CADPS2: variants seen among roughly 807,000 people sequenced by gnomAD.
CADPS2 encodes the protein calcium dependent secretion activator 2, also known as calcium-dependent secretion activator 2.
CADPS2 carries 93 observed loss-of-function variants against 172.5 expected under a neutral mutation model. The ratio of observed to expected loss-of-function variants is 0.54; its 90% CI spans 0.46 to 0.64. The LOEUF (loss-of-function observed/expected upper bound fraction) is 0.64. CADPS2 is among the 30% of genes least tolerant of loss of function. CADPS2 has a pLI of 0.00. For synonymous variants in CADPS2, 546 were observed against 555.2 expected, an observed-to-expected ratio of 0.98 and a Z score of 0.23; for missense variants, 1,420 against 1,565.9, an observed-to-expected ratio of 0.91 and a Z score of 1.57.
At chr7:122,455,176 A>C (rs1221141328) in intron 14 of CADPS2, among the ~76,000 whole-genome samples, 3 of 152,134 alleles carry the variant, frequency 2.0e-5, no homozygotes, top group Non-Finnish European at 2.9e-5. Flanking sequence ...AAACACAGGA[A>C]GCAAGCTCCA....
At chr7:122,662,586 C>T (rs993934743) in intron 3 of CADPS2, among the ~76,000 whole-genome samples, 1 of 152,032 alleles carries the variant, frequency 6.6e-6, no homozygotes, top group Non-Finnish European at 1.5e-5. Flanking sequence ...ATGTTGCCCA[C>T]GATGGTCTCA....
In CADPS2 at chr7:122,334,211, C is replaced by T. The variant is rs376468377; in HGVS notation, c.3613-8630G>A. 4.4e-4 allele frequency among the ~76,000 whole-genome samples: 67 copies of T among 152,296 alleles called. 1 individual carries two copies. In the East Asian group the frequency reaches 0.012, roughly 28 times the overall value. ...GTACATATATGAGAATACACACACA[C>T]ACACACTCACTCACAAAGCTATGCT... is the stretch of plus-strand genomic sequence containing the variant. On this transcript the variant is annotated intron_variant, in intron 28 of 29. Coordinates refer to ENST00000449022, the MANE Select transcript of CADPS2 (RefSeq NM_017954.11).
At chr7:122,505,374 A>G (rs1360188428) in intron 9 of CADPS2, among the ~76,000 whole-genome samples, 1 of 152,180 alleles carries the variant, frequency 6.6e-6, no homozygotes, top group Non-Finnish European at 1.5e-5. Context: ...AAAAAATGCT[A>G]GAGATATAAA....
At position 122,607,235 on chromosome 7, in the gene CADPS2, G is replaced by A. The variant is rs577929813; in HGVS notation, c.1223+7946C>T. Reference sequence around the variant, plus strand: ...AAGGTTTTGAAATGTGTAAGTCTTGGTTTAAACTGTTCTGAAAAATTTAGT... The same window carrying A: ...AAGGTTTTGAAATGTGTAAGTCTTGATTTAAACTGTTCTGAAAAATTTAGT... On this transcript the variant is annotated intron_variant, in intron 6 of 29. Coordinates refer to ENST00000449022, the MANE Select transcript of CADPS2 (RefSeq NM_017954.11). 2.8e-4 allele frequency among the ~76,000 whole-genome samples: 42 copies of A among 152,196 alleles called. 1 individual carries two copies. The highest frequency in any genetic ancestry group is 3.7e-4 in the Non-Finnish European group (25 of 68,012).
At chr7:122,773,200 G>T (rs1328753900) in intron 1 of CADPS2, among the ~76,000 whole-genome samples, 1 of 151,954 alleles carries the variant, frequency 6.6e-6, no homozygotes, top group African/African-American at 2.4e-5. Flanking sequence ...AGTATTAAAT[G>T]CTAGAAAGGA....
At position 122,886,384 on chromosome 7, in the gene CADPS2, C is replaced by A. The variant is rs1476038515; in HGVS notation, c.-47G>T. The A allele has an allele frequency of 2.0e-6, 3 of 1,474,294 alleles. No homozygotes were observed. Among genetic ancestry groups the A allele is most frequent in the Non-Finnish European group, 2.7e-6 (3 of 1,122,462 alleles). The allele number at this position is 1,474,294 out of a possible 1,614,324, so 91.3% of individuals were successfully genotyped here. A position where few individuals can be genotyped will look rare whatever the true frequency, so the allele number is the denominator to read the frequency against. ...CTCGGCCCGCGGTCCCCAAGCGCCT[C>A]ACCCCCGGCGGCTGCGCCCGCGGGT... On this transcript the variant is annotated 5_prime_UTR_variant, in exon 1 of 30. Coordinates refer to ENST00000449022, the MANE Select transcript of CADPS2 (RefSeq NM_017954.11).
chr7:122,621,760 T>C (rs1453732292), intron 4 of CADPS2, 43 bp from the exon 5 acceptor site: 1 of 1,128,972 alleles, frequency 8.9e-7, no homozygotes, highest in African/African-American at 1.6e-5. Context: ...ATAAGTCATA[T>C]TTCAATTTTA....
At chr7:122,716,674 A>G (rs1268228112) in intron 2 of CADPS2, among the ~76,000 whole-genome samples, 4 of 152,168 alleles carry the variant, frequency 2.6e-5, no homozygotes, top group Non-Finnish European at 5.9e-5. Flanking sequence ...AACTTAAAGT[A>G]TAACAATTAA....
chr7:122,655,497 G>T (rs1459086568), intron 3 of CADPS2, among the ~76,000 whole-genome samples: 1 of 151,988 alleles, frequency 6.6e-6, no homozygotes, highest in Non-Finnish European at 1.5e-5. Context: ...TTTAAAACAA[G>T]AAAGTATTTT....
intron 10 of CADPS2, 23 bp downstream of exon 10, chr7:122,491,289 A>G (rs779522175): frequency 2.0e-6 from 3 of 1,485,130 alleles, no homozygotes; most frequent in Non-Finnish European, 1.9e-6. Flanking sequence ...CATGGCAGGA[A>G]AAGTGATTCA....
intron 1 of CADPS2, among the ~76,000 whole-genome samples, chr7:122,858,724 T>C (rs1353168446): frequency 1.3e-5 from 2 of 152,212 alleles, no homozygotes; most frequent in Admixed American, 1.3e-4. Flanking sequence ...AATATTTTCA[T>C]GACATTATAG....
chr7:122,883,191 T>A (rs532649112), intron 1 of CADPS2, among the ~76,000 whole-genome samples: 1 of 151,878 alleles, frequency 6.6e-6, no homozygotes, highest in Non-Finnish European at 1.5e-5. Context: ...GTGAAAAAAA[T>A]AAATAAATAA....
At chr7:122,458,134 C>T (rs894576259) in intron 14 of CADPS2, among the ~76,000 whole-genome samples, 5 of 152,138 alleles carry the variant, frequency 3.3e-5, no homozygotes, top group Non-Finnish European at 7.3e-5. Flanking sequence ...ATCTTAGCTT[C>T]CTCTAGGGAA....
At chr7:122,691,423 T>C (rs1027758097) in intron 2 of CADPS2, among the ~76,000 whole-genome samples, 2 of 152,208 alleles carry the variant, frequency 1.3e-5, no homozygotes, top group Non-Finnish European at 2.9e-5. Flanking sequence ...CCAACACTAT[T>C]TGTGGTCACA....
chr7:122,796,178 A>G (rs1204393972), intron 1 of CADPS2, among the ~76,000 whole-genome samples: 2 of 152,364 alleles, frequency 1.3e-5, no homozygotes, highest in South Asian at 2.1e-4. Flanking sequence ...CTCCACAAGG[A>G]TAACTACACA....
rs537099087 is a variant in CADPS2 at position 122,724,807 on chromosome 7, C to T, written c.453+12148G>A. Among the ~76,000 whole-genome samples the T allele has an allele frequency of 8.6e-5, 13 of 152,004 alleles. No individual in the cohort carries two copies. The South Asian group carries it at 2.7e-3, about 32-fold the overall frequency. On this transcript the variant is annotated intron_variant, in intron 2 of 29. Coordinates refer to ENST00000449022, the MANE Select transcript of CADPS2 (RefSeq NM_017954.11). ...AGCCTCCACAAGTCCTGTAAGTCAG[C>T]GATTTCTAACCATTTTTGAATCATG... is the stretch of plus-strand genomic sequence containing the variant.
intron 1 of CADPS2, among the ~76,000 whole-genome samples, chr7:122,756,090 T>C (rs1033615642): frequency 6.6e-6 from 1 of 152,204 alleles, no homozygotes; most frequent in Non-Finnish European, 1.5e-5. Flanking sequence ...GAGCCAAATG[T>C]TGAAGTTTTT....
At chr7:122,374,813 T>G (rs1585385386) in intron 25 of CADPS2, among the ~76,000 whole-genome samples, 1 of 152,122 alleles carries the variant, frequency 6.6e-6, no homozygotes, top group Non-Finnish European at 1.5e-5. Flanking sequence ...ATGGCAGGTG[T>G]ATACCTATGT....
chr7:122,415,864 A>G (rs1029254100), intron 18 of CADPS2, among the ~76,000 whole-genome samples, 197 bp downstream of exon 18: 3 of 152,230 alleles, frequency 2.0e-5, no homozygotes, highest in Non-Finnish European at 2.9e-5. Flanking sequence ...TGTTTTTAGA[A>G]AATTCACATA....
Sources: gnomAD v4.1 joint callset for allele counts (sites outside exome capture counted in the v4.1 genomes callset) on GRCh38, gnomAD v4.1.1 for gene constraint, MANE v1.5 for transcripts, NCBI Gene and HGNC (gene_info 2026-07-23, HGNC 2026-07-21) for gene names.